Variants in SPAG16 observed in about 807,000 individuals in gnomAD.
The protein encoded by SPAG16 is sperm associated antigen 16.
SPAG16 carries 86 observed loss-of-function variants against 80.4 expected under a neutral mutation model. That is an observed-to-expected ratio of 1.07 (90% CI 0.90 to 1.28). SPAG16 has a LOEUF of 1.28. Ranked by LOEUF, SPAG16 falls within the 50% of genes most tolerant of loss-of-function variation. The pLI is 0.00. For synonymous variants in SPAG16, 294 were observed against 265.9 expected, an observed-to-expected ratio of 1.11 and a Z score of -1.03; for missense variants, 870 against 765.3, an observed-to-expected ratio of 1.14 and a Z score of -1.61.
intron 10 of SPAG16, among the ~76,000 whole-genome samples, chr2:213,710,300 A>T (rs567623105): frequency 6.6e-5 from 10 of 152,044 alleles, no homozygotes; most frequent in African/African-American, 2.4e-4. Context: ...AAAAAAAAAG[A>T]AGTTATAGGA....
At chr2:213,586,532 C>T (rs922333087) in intron 10 of SPAG16, among the ~76,000 whole-genome samples, 1 of 152,200 alleles carries the variant, frequency 6.6e-6, no homozygotes, top group African/African-American at 2.4e-5. Flanking sequence ...CGTTTCACCC[C>T]GACACTCTCA....
At chr2:213,457,774 C>T (rs1455585462) in intron 9 of SPAG16, among the ~76,000 whole-genome samples, 6 of 152,032 alleles carry the variant, frequency 3.9e-5, no homozygotes, top group African/African-American at 1.2e-4. Context: ...TGACAGCATA[C>T]TTATTTTGAT....
chr2:214,229,116 C>A (rs74494257), intron 15 of SPAG16, among the ~76,000 whole-genome samples: 3,448 of 151,276 alleles, frequency 0.023, 86 homozygotes, highest in African/African-American at 0.059. Context: ...AAACAGAGTT[C>A]TTTCTCTTAT....
At chr2:214,380,841 A>G (rs932099634) in intron 15 of SPAG16, among the ~76,000 whole-genome samples, 1 of 152,340 alleles carries the variant, frequency 6.6e-6, no homozygotes, top group Non-Finnish European at 1.5e-5. Context: ...TGTGAAGTCA[A>G]TTATTGCTTC....
chr2:214,139,533 GTCT>G (rs2055241412), intron 14 of SPAG16, among the ~76,000 whole-genome samples: 1 of 151,664 alleles, frequency 6.6e-6, no homozygotes, highest in Non-Finnish European at 1.5e-5. Context: ...AGAAAAGAGC[GTCT>G]TCAATTTAAT....
chr2:214,336,995 T>C (rs1697340097), intron 15 of SPAG16, among the ~76,000 whole-genome samples: 2 of 148,774 alleles, frequency 1.3e-5, no homozygotes, highest in Admixed American at 6.9e-5. Context: ...AAGACAAGTT[T>C]ACAGAGACAG....
At chr2:213,725,833 GAGA>G (rs1426768515) in intron 10 of SPAG16, among the ~76,000 whole-genome samples, 3 of 152,186 alleles carry the variant, frequency 2.0e-5, no homozygotes, top group African/African-American at 7.2e-5. Flanking sequence ...ATCAATTTCT[GAGA>G]AGGTTCAAGA....
At chr2:214,243,576 A>G (rs556285290) in intron 15 of SPAG16, among the ~76,000 whole-genome samples, 2 of 152,242 alleles carry the variant, frequency 1.3e-5, no homozygotes, top group Admixed American at 1.3e-4. Context: ...TGTGTTCTAA[A>G]GAATTAATTT....
rs188504161 is a variant in SPAG16 at position 213,363,090 on chromosome 2, A to G, written c.763-986A>G. 1.5e-3 allele frequency among the ~76,000 whole-genome samples: 231 copies of G among 152,316 alleles called. 1 individual carries two copies. The highest frequency in any genetic ancestry group is 5.3e-3 in the African/African-American group (219 of 41,566). ...AAAAGGATATTATGGAAAAATTAAT[A>G]AAACTAAAAATATGGCCTGTAGTTC... On this transcript the variant is annotated intron_variant, in intron 7 of 15. Transcript: ENST00000331683.
intron 10 of SPAG16, among the ~76,000 whole-genome samples, chr2:213,802,832 A>G (rs2071504094): frequency 1.3e-5 from 2 of 152,014 alleles, no homozygotes; most frequent in Admixed American, 1.3e-4. Context: ...TCCTTTCACC[A>G]CTTGTTATCA....
chr2:214,167,994 C>CTTT (rs202075837), intron 15 of SPAG16, among the ~76,000 whole-genome samples: 16,687 of 132,878 alleles, frequency 0.13, 1,183 homozygotes, highest in East Asian at 0.23. Flanking sequence ...TTCTTTTTCT[C>CTTT]TTTTTTTTTT....
At chr2:213,760,705 C>G (rs974899350) in intron 10 of SPAG16, among the ~76,000 whole-genome samples, 1 of 152,056 alleles carries the variant, frequency 6.6e-6, no homozygotes, top group Admixed American at 6.5e-5. Flanking sequence ...TTCTCTGATC[C>G]TAAGAAGATT....
intron 10 of SPAG16, among the ~76,000 whole-genome samples, chr2:213,713,310 G>A (rs1055587634): frequency 1.3e-5 from 2 of 152,154 alleles, no homozygotes; most frequent in African/African-American, 4.8e-5. Flanking sequence ...CTTGTAAATC[G>A]GATATGGTTG....
chr2:213,845,483 A>G (rs1438449173), intron 10 of SPAG16, among the ~76,000 whole-genome samples: 4 of 152,198 alleles, frequency 2.6e-5, no homozygotes, highest in Non-Finnish European at 5.9e-5. Context: ...GGTGTGAGCC[A>G]CTGCAAGCGG....
intron 9 of SPAG16, among the ~76,000 whole-genome samples, chr2:213,377,769 GATACCTT>G (rs1259705818): frequency 6.6e-6 from 1 of 152,026 alleles, no homozygotes; most frequent in Admixed American, 6.6e-5. Context: ...CTGGACTTGA[GATACCTT>G]ATGATAGCTT....
At chr2:213,922,337 A>G (rs1309224164) in intron 11 of SPAG16, among the ~76,000 whole-genome samples, 2 of 152,060 alleles carry the variant, frequency 1.3e-5, no homozygotes, top group Non-Finnish European at 2.9e-5. Context: ...TTGTGATTTA[A>G]TTATGCAATT....
At chr2:213,345,752 G>A (rs2064941880) in intron 6 of SPAG16, among the ~76,000 whole-genome samples, 2 of 150,782 alleles carry the variant, frequency 1.3e-5, no homozygotes, top group South Asian at 4.2e-4. Context: ...CTCTGTTTTG[G>A]TACCAGTACC....
chr2:213,591,352 G>T (rs2060682827), intron 10 of SPAG16, among the ~76,000 whole-genome samples: 2 of 152,010 alleles, frequency 1.3e-5, no homozygotes, highest in African/African-American at 4.8e-5. Flanking sequence ...TAGTTTCTTT[G>T]TTCTTGCTAA....
intron 10 of SPAG16, among the ~76,000 whole-genome samples, chr2:213,793,302 T>C (rs1443438169): frequency 6.6e-6 from 1 of 152,088 alleles, no homozygotes; most frequent in African/African-American, 2.4e-5. Flanking sequence ...CAAACTAAGA[T>C]AAACAGTACC....
Sources: allele counts gnomAD v4.1 joint callset (sites outside exome capture counted in the v4.1 genomes callset), GRCh38; gene constraint gnomAD v4.1.1; transcripts MANE v1.5; gene names NCBI Gene and HGNC (gene_info 2026-07-23, HGNC 2026-07-21).